Variants in GNG7 observed in about 807,000 individuals in gnomAD.
The protein encoded by GNG7 is guanine nucleotide-binding protein G(I)/G(S)/G(O) subunit gamma-7.
Under a neutral mutation model 4.0 loss-of-function variants are expected in GNG7, and 1 was observed. That is an observed-to-expected ratio of 0.25 (90% CI 0.09 to 1.18). The LOEUF (loss-of-function observed/expected upper bound fraction) is 1.18, where lower values mean the gene tolerates loss of function less well. GNG7 is among the 50% of genes most tolerant of loss of function. The probability of loss-of-function intolerance (pLI) is 0.50; values close to 1 mark genes in which losing one functional copy is unlikely to be tolerated. For missense variants in GNG7, 86 were observed against 91.9 expected (o/e 0.94, Z 0.26); for synonymous variants, 34 against 36.9 (o/e 0.92, Z 0.29).
rs772272263 is a variant in GNG7 at position 2,514,983 on chromosome 19, AG to A, written c.*38del. 3.5e-3 allele frequency: 4,460 copies of A among 1,276,114 alleles called. No homozygotes were observed. Among genetic ancestry groups the A allele is most frequent in the Middle Eastern group, 4.3e-3 (21 of 4,916 alleles). The allele number at this position is 1,276,114 out of a possible 1,614,324, so 79.0% of individuals were successfully genotyped here. ...GAGACAGAGACAGAGAGAGAGAGAG[AG>A]AAAGAGAGAGAGAGAGAGAGAACAT... On this transcript the variant is annotated 3_prime_UTR_variant, in exon 5 of 5. Coordinates refer to ENST00000382159, the MANE Select transcript of GNG7 (RefSeq NM_052847.3).
At chr19:2,516,768 A>G (rs937554251) in intron 4 of GNG7, among the ~76,000 whole-genome samples, 6 of 152,142 alleles carry the variant, frequency 3.9e-5, no homozygotes, top group Non-Finnish European at 7.4e-5. Context: ...GCCCGTCTCC[A>G]TGTTTCTCTT....
intron 2 of GNG7, among the ~76,000 whole-genome samples, chr19:2,622,813 GC>G (rs1763915060): frequency 6.6e-6 from 1 of 152,098 alleles, no homozygotes; most frequent in African/African-American, 2.4e-5. Context: ...TGCGAGCAAC[GC>G]GGCAGAGAGG....
Position 2,611,266 on chromosome 19 carries a change from G to A in GNG7, c.-78+34958C>T, listed in dbSNP as rs2144822624. 6.6e-6 allele frequency: 1 copy of A among 152,446 alleles called. No individual in the cohort carries two copies. Among genetic ancestry groups the A allele is most frequent in the African/African-American group, 2.4e-5 (1 of 41,590 alleles). 9.4% of individuals were successfully genotyped at this position (152,446 alleles called of 1,614,324 possible). A position where few individuals can be genotyped will look rare whatever the true frequency, so the allele number is the denominator to read the frequency against. On this transcript the variant is annotated intron_variant, in intron 2 of 4. Coordinates refer to ENST00000382159, the MANE Select transcript of GNG7 (RefSeq NM_052847.3). The surrounding 1 kb of genome is among the most constrained non-coding windows in gnomAD (Gnocchi z 6.0). ...AATGTCTACACGCAGACTGACTTCA[G>A]GGGCGAGGAATTCCGCCTGGCGAGC...
chr19:2,619,959 CGA>C (rs1491256581), intron 2 of GNG7, among the ~76,000 whole-genome samples: 2 of 148,694 alleles, frequency 1.3e-5, no homozygotes, highest in Admixed American at 1.4e-4. Context: ...TTTGGGAGGA[CGA>C]GGGGGGGGCG....
At chr19:2,623,951 G>T (rs1222873567) in intron 2 of GNG7, among the ~76,000 whole-genome samples, 1 of 152,154 alleles carries the variant, frequency 6.6e-6, no homozygotes, top group African/African-American at 2.4e-5. Context: ...CACAGAGACA[G>T]TCCATCTGTT....
intron 2 of GNG7, among the ~76,000 whole-genome samples, chr19:2,639,471 C>T (rs1022728850): frequency 1.6e-4 from 5 of 31,280 alleles, no homozygotes; most frequent in Non-Finnish European, 3.1e-4. Flanking sequence ...CAAAGATGAG[C>T]GCCCCTACTT....
At chr19:2,668,997 C>T (rs1197896042) in intron 1 of GNG7, among the ~76,000 whole-genome samples, 1 of 152,142 alleles carries the variant, frequency 6.6e-6, no homozygotes, top group Non-Finnish European at 1.5e-5. Context: ...CAGCTTAATC[C>T]ACCTGACAAC....
At chr19:2,660,299 C>A (rs73510527) in intron 1 of GNG7, among the ~76,000 whole-genome samples, 3 of 152,168 alleles carry the variant, frequency 2.0e-5, no homozygotes, top group African/African-American at 7.2e-5. Context: ...TGAGCCTCAT[C>A]CCTTTCCAAT....
At chr19:2,594,840 C>T (rs1195188281) in intron 2 of GNG7, among the ~76,000 whole-genome samples, 6 of 151,730 alleles carry the variant, frequency 4.0e-5, no homozygotes, top group African/African-American at 9.7e-5. Context: ...TTTAATGGCC[C>T]GGCGTGGTGG....
chr19:2,610,839 A>G (rs1316273575), intron 2 of GNG7: 1 of 151,854 alleles, frequency 6.6e-6, no homozygotes, highest in Non-Finnish European at 1.5e-5. Context: ...TCAGGGACCC[A>G]GGTGGCCCCT....
At chr19:2,601,343 A>G (rs949521644) in intron 2 of GNG7, among the ~76,000 whole-genome samples, 3 of 152,076 alleles carry the variant, frequency 2.0e-5, no homozygotes, top group Non-Finnish European at 1.5e-5. Context: ...CTCAACCACT[A>G]TCTGACCAGC....
At chr19:2,538,081 A>AAAACAAAAC (rs1555691779) in intron 3 of GNG7, 2 of 442,034 alleles carry the variant, frequency 4.5e-6, no homozygotes, top group South Asian at 3.2e-5. Context: ...TCTCTCAAAC[A>AAAACAAAAC]AAACAAAACA....
chr19:2,558,747 T>A lies in GNG7; in HGVS notation c.-77-3559A>T, dbSNP rs1247185577. ...CTTTCTCTTTTCTTTCTTCCTTCCTTTCCTTCTCTTTCTTTCTTTTTTCTT... is the reference window on the plus strand; with the variant it reads ...CTTTCTCTTTTCTTTCTTCCTTCCTATCCTTCTCTTTCTTTCTTTTTTCTT... On this transcript the variant is annotated intron_variant, in intron 2 of 4. Coordinates refer to ENST00000382159, the MANE Select transcript of GNG7 (RefSeq NM_052847.3). Among the ~76,000 whole-genome samples the A allele has an allele frequency of 3.9e-5, 6 of 151,918 alleles. No homozygotes were observed. The East Asian group carries it at 1.2e-3, about 29-fold the overall frequency.
chr19:2,643,681 C>G, intron 2 of GNG7: 1 of 455,350 alleles, frequency 2.2e-6, no homozygotes, highest in East Asian at 6.9e-5. Flanking sequence ...TCGGGCTGAG[C>G]TTTTCTGTTG....
At position 2,633,487 on chromosome 19, in the gene GNG7, GCACACACACACA is replaced by G. The variant is rs796899840; in HGVS notation, c.-78+12725_-78+12736del. Among the ~76,000 whole-genome samples, 67 of 103,810 alleles carry G rather than the reference GCACACACACACA, an allele frequency of 6.5e-4. 1 individual carries two copies. Among genetic ancestry groups the G allele is most frequent in the South Asian group, 4.8e-3 (14 of 2,940 alleles). 68.1% of individuals were successfully genotyped at this position (103,810 alleles called of 152,430 possible). A position where few individuals can be genotyped will look rare whatever the true frequency, so the allele number is the denominator to read the frequency against. ...TAGCAACAGGCGCGCGCGCGCGCGC[GCACACACACACA>G]CACACACACACACACACACACACAC... On this transcript the variant is annotated intron_variant, in intron 2 of 4. Transcript: ENST00000382159. The surrounding 1 kb of genome is among the most constrained non-coding windows in gnomAD (Gnocchi z 5.9).
rs1232886507 is a variant in GNG7 at position 2,617,937 on chromosome 19, C to G, written c.-78+28287G>C. Reference sequence around the variant, plus strand: ...GTCCTGCTATGTTGCCCAGGCTGGTCTCAAACTCCTGGCCTCAAGTGATCC... The same window carrying G: ...GTCCTGCTATGTTGCCCAGGCTGGTGTCAAACTCCTGGCCTCAAGTGATCC... On this transcript the variant is annotated intron_variant, in intron 2 of 4. Transcript: ENST00000382159. This position sits in a 1 kb window ranked among gnomAD's most constrained non-coding sequence, Gnocchi z 4.7. Among the ~76,000 whole-genome samples, 1 of 151,456 alleles carries G rather than the reference C, an allele frequency of 6.6e-6. No homozygotes were observed. The highest frequency in any genetic ancestry group is 2.4e-5 in the African/African-American group (1 of 41,160).
chr19:2,526,070 A>C (rs1978386678), intron 3 of GNG7, among the ~76,000 whole-genome samples: 1 of 148,422 alleles, frequency 6.7e-6, no homozygotes, highest in Non-Finnish European at 1.5e-5. Context: ...TCCAGGGTTC[A>C]CGCCATTCTC....
chr19:2,543,424 C>T (rs11881675), intron 3 of GNG7, among the ~76,000 whole-genome samples: 76,083 of 151,730 alleles, frequency 0.5, 19,849 homozygotes, highest in African/African-American at 0.65. Context: ...GGGGCCTCAC[C>T]GTATTGCTCA....
Position 2,517,963 on chromosome 19 carries a change from G to A in GNG7, c.81+2645C>T, listed in dbSNP as rs531602007. ...ACGCTCATGCCCACAGAGTGAGCCCGCCGGCTGCGGCCTGTGATGACTCGG... is the reference window on the plus strand; with the variant it reads ...ACGCTCATGCCCACAGAGTGAGCCCACCGGCTGCGGCCTGTGATGACTCGG... On this transcript the variant is annotated intron_variant, in intron 4 of 4. Transcript: ENST00000382159. 1.9e-3 allele frequency among the ~76,000 whole-genome samples: 282 copies of A among 152,300 alleles called. 1 individual carries two copies. Among genetic ancestry groups the A allele is most frequent in the African/African-American group, 6.3e-3 (262 of 41,568 alleles).
Sources: allele counts gnomAD v4.1 joint callset (sites outside exome capture counted in the v4.1 genomes callset), GRCh38; gene constraint gnomAD v4.1.1; non-coding constraint Gnocchi (gnomAD v3.1); transcripts MANE v1.5; gene names NCBI Gene and HGNC (gene_info 2026-07-23, HGNC 2026-07-21).